The following NELL2 variants were observed in gnomAD, a reference collection of about 807,000 sequenced individuals.
NELL2 encodes protein kinase C-binding protein NELL2.
Under a neutral mutation model 109.6 loss-of-function variants are expected in NELL2, and 41 were observed. That is an observed-to-expected ratio of 0.37 (90% CI 0.29 to 0.49). NELL2 has a LOEUF of 0.49. Among genes scored for constraint, NELL2 ranks in the 20% least tolerant of loss-of-function variants. The pLI is 0.98. For synonymous variants in NELL2, 355 were observed against 344.7 expected, an observed-to-expected ratio of 1.03 and a Z score of -0.33; for missense variants, 900 against 1,008.3, an observed-to-expected ratio of 0.89 and a Z score of 1.45.
intron 2 of NELL2, among the ~76,000 whole-genome samples, chr12:44,824,106 C>G (rs1422443885): frequency 6.6e-6 from 1 of 152,078 alleles, no homozygotes; most frequent in Non-Finnish European, 1.5e-5. Context: ...TATTGAGTTG[C>G]ACGAATTTCT....
chr12:44,897,175 T>C (rs1440337149), intron 1 of NELL2, among the ~76,000 whole-genome samples: 1 of 152,086 alleles, frequency 6.6e-6, no homozygotes, highest in African/African-American at 2.4e-5. Flanking sequence ...AGAATACCCA[T>C]CAGGGTTGCC....
At chr12:44,775,949 C>A in intron 8 of NELL2, 73 bp downstream of exon 8, 4 of 1,536,296 alleles carry the variant, frequency 2.6e-6, no homozygotes, top group Non-Finnish European at 3.5e-6. Context: ...TTCATGATTA[C>A]ATTGTTTTAA....
intron 2 of NELL2, among the ~76,000 whole-genome samples, chr12:44,821,884 G>GTTTT (rs869148089): frequency 8.1e-5 from 11 of 135,066 alleles, no homozygotes; most frequent in Admixed American, 1.6e-4. Context: ...CGCCCGGCTG[G>GTTTT]TTTTATTTAT....
At chr12:44,698,914 GTCATCCCCAGCAAC>G (rs1689007815) in intron 12 of NELL2, among the ~76,000 whole-genome samples, 2 of 152,120 alleles carry the variant, frequency 1.3e-5, no homozygotes, top group African/African-American at 2.4e-5. Flanking sequence ...TGACACAGCT[GTCATCCCCAGCAAC>G]TATTATGCAC....
intron 1 of NELL2, among the ~76,000 whole-genome samples, chr12:44,893,235 A>G (rs1027259208): frequency 1.3e-5 from 2 of 152,110 alleles, no homozygotes; most frequent in African/African-American, 2.4e-5. Context: ...CAGAACTCCA[A>G]TCTCTGACTC....
At chr12:44,650,016 T>C (rs757562573) in intron 13 of NELL2, among the ~76,000 whole-genome samples, 2 of 152,186 alleles carry the variant, frequency 1.3e-5, no homozygotes, top group Non-Finnish European at 2.9e-5. Flanking sequence ...GTCATTAATA[T>C]CAGGCAAGCT....
intron 12 of NELL2, among the ~76,000 whole-genome samples, chr12:44,689,946 G>A (rs896204104): frequency 2.0e-5 from 3 of 152,158 alleles, no homozygotes; most frequent in African/African-American, 4.8e-5. Context: ...ATCGGAGATC[G>A]AATAATTCAT....
rs773588429 is a variant in NELL2, at chr12:44,780,051, A to C, written c.336-29T>G. 4 of 1,604,166 alleles carry C rather than the reference A, an allele frequency of 2.5e-6. No individual in the cohort carries two copies. The Admixed American group carries it at 6.9e-5, about 28-fold the overall frequency. ...CAGAGAGAAGAGCCACATGGGACAC[A>C]TTAAAAATAAAGTTCAAAAACGATT... On this transcript the variant is annotated intron_variant, in intron 3 of 19. Coordinates refer to ENST00000429094, the MANE Select transcript of NELL2 (RefSeq NM_001145108.2).
chr12:44,803,146 A>G (rs1416945503), intron 3 of NELL2, among the ~76,000 whole-genome samples: 1 of 152,026 alleles, frequency 6.6e-6, no homozygotes, highest in Non-Finnish European at 1.5e-5. Flanking sequence ...GGACAGACCC[A>G]GGGTGAGGCC....
At chr12:44,849,205 A>T (rs1944460301) in intron 2 of NELL2, among the ~76,000 whole-genome samples, 1 of 152,184 alleles carries the variant, frequency 6.6e-6, no homozygotes, top group Non-Finnish European at 1.5e-5. Flanking sequence ...ACTCCATTAA[A>T]AATAAATATT....
intron 15 of NELL2, among the ~76,000 whole-genome samples, chr12:44,600,123 G>A (rs201951867): frequency 2.1e-5 from 3 of 139,940 alleles, no homozygotes; most frequent in East Asian, 2.1e-4. Context: ...CAGCACGCCC[G>A]GCTAATTTAT....
In NELL2 at chr12:44,644,604, G is replaced by GTA. The variant is rs1555190872; in HGVS notation, c.1444+20878_1444+20879dup. ...AGTATATATATATATATATATATAT[G>GTA]TATGTATATATATATATATATACAT... On this transcript the variant is annotated intron_variant, in intron 13 of 19. Transcript: ENST00000429094. Among the ~76,000 whole-genome samples, 751 of 81,140 alleles carry GTA rather than the reference G, an allele frequency of 9.3e-3. 19 individuals are homozygous for GTA. Among genetic ancestry groups the GTA allele is most frequent in the African/African-American group, 0.038 (675 of 17,832 alleles). 53.2% of individuals were successfully genotyped at this position (81,140 alleles called of 152,430 possible).
At chr12:44,876,529 C>G, upstream of NELL2, 1 of 1,417,988 alleles carries the variant, frequency 7.1e-7, no homozygotes. Context: ...CTCGATGACC[C>G]GGGCAATGCC....
chr12:44,549,075 T>C (rs1940497279), intron 15 of NELL2, among the ~76,000 whole-genome samples: 1 of 152,214 alleles, frequency 6.6e-6, no homozygotes, highest in African/African-American at 2.4e-5. Context: ...AATTCTACTA[T>C]GTTGGCTGTA....
Position 44,508,649 on chromosome 12 carries a change from CTTTCTATCCAGGGTTCAGGAT to C in NELL2, c.*264_*284del, listed in dbSNP as rs1223246552. On this transcript the variant is annotated 3_prime_UTR_variant, in exon 20 of 20. Transcript: ENST00000429094. ...CTTTCACAGATCCAATGGGCTCAGGCTTTCTATCCAGGGTTCAGGATGTCACGGTATATACTGTACGCCCAT... is the reference window on the plus strand; with the variant it reads ...CTTTCACAGATCCAATGGGCTCAGGCGTCACGGTATATACTGTACGCCCAT... The C allele has an allele frequency of 1.2e-5, 3 of 258,558 alleles. No individual in the cohort carries two copies. Among genetic ancestry groups the C allele is most frequent in the African/African-American group, 2.2e-5 (1 of 44,736 alleles). 16.0% of individuals were successfully genotyped at this position (258,558 alleles called of 1,614,324 possible).
chr12:44,772,698 G>T (rs964845466), intron 9 of NELL2, among the ~76,000 whole-genome samples: 3 of 151,874 alleles, frequency 2.0e-5, no homozygotes, highest in African/African-American at 7.3e-5. Context: ...TCTATTCCAT[G>T]GTACTTATAT....
chr12:44,818,155 T>C (rs1943415347), intron 2 of NELL2, among the ~76,000 whole-genome samples: 2 of 152,210 alleles, frequency 1.3e-5, no homozygotes, highest in African/African-American at 4.8e-5. Context: ...GTGGAGGAGA[T>C]TCCACAACAT....
chr12:44,846,447 A>T (rs1399824162), intron 2 of NELL2, among the ~76,000 whole-genome samples: 1 of 152,166 alleles, frequency 6.6e-6, no homozygotes, highest in East Asian at 1.9e-4. Context: ...AGAGTCCTCC[A>T]TTTATGGATC....
intron 12 of NELL2, among the ~76,000 whole-genome samples, chr12:44,698,015 C>T (rs1468682550): frequency 6.6e-6 from 1 of 152,178 alleles, no homozygotes; most frequent in African/African-American, 2.4e-5. Context: ...AAAGTCACAT[C>T]ATCCTGATCT....
Sources: allele counts gnomAD v4.1 joint callset (sites outside exome capture counted in the v4.1 genomes callset), GRCh38; gene constraint gnomAD v4.1.1; transcripts MANE v1.5; gene names NCBI Gene and HGNC (gene_info 2026-07-23, HGNC 2026-07-21).